PRELID2: variants seen among roughly 807,000 people sequenced by gnomAD.
PRELID2 encodes the protein PRELI domain-containing protein 2.
In PRELID2, 25 loss-of-function variants were observed where a neutral mutation model predicts 28.4. That is an observed-to-expected ratio of 0.88 (90% CI 0.64 to 1.23). The LOEUF is 1.23. Ranked by LOEUF, PRELID2 falls within the 50% of genes most tolerant of loss-of-function variation. The pLI is 0.00. For synonymous variants in PRELID2, 76 were observed against 71.6 expected, an observed-to-expected ratio of 1.06 and a Z score of -0.31; for missense variants, 201 against 214.4, an observed-to-expected ratio of 0.94 and a Z score of 0.39.
intron 1 of PRELID2, among the ~76,000 whole-genome samples, chr5:145,546,219 G>C (rs1447257052): frequency 7.1e-6 from 1 of 141,052 alleles, no homozygotes; most frequent in African/African-American, 3.0e-5. Context: ...AATAACATAG[G>C]AGCAAGAGAA....
intron 1 of PRELID2, among the ~76,000 whole-genome samples, chr5:145,587,882 G>A (rs1411022144): frequency 6.6e-6 from 1 of 152,204 alleles, no homozygotes; most frequent in Non-Finnish European, 1.5e-5. Flanking sequence ...GTACCTCTGA[G>A]TAACTTACTT....
intron 1 of PRELID2, among the ~76,000 whole-genome samples, chr5:145,529,367 T>A (rs1752636184): frequency 6.6e-6 from 1 of 152,162 alleles, no homozygotes; most frequent in Non-Finnish European, 1.5e-5. Flanking sequence ...TAACTCAGTC[T>A]TTCTCATTTT....
At chr5:145,599,264 A>G (rs111850681) in intron 1 of PRELID2, among the ~76,000 whole-genome samples, 47 of 152,336 alleles carry the variant, frequency 3.1e-4, no homozygotes, top group African/African-American at 1.1e-3. Flanking sequence ...GCTATTTAGC[A>G]AAGTCTAGAA....
chr5:145,636,249 T>C (rs1312931875), intron 1 of PRELID2, among the ~76,000 whole-genome samples: 2 of 152,096 alleles, frequency 1.3e-5, no homozygotes, highest in African/African-American at 2.4e-5. Context: ...AGCTAAGAAG[T>C]AGAAGAGCAG....
intron 4 of PRELID2, among the ~76,000 whole-genome samples, chr5:145,814,782 T>G (rs1011711032): frequency 1.3e-5 from 2 of 152,200 alleles, no homozygotes; most frequent in East Asian, 1.9e-4. Flanking sequence ...TAACATTTAG[T>G]GCTTATATTT....
At chr5:145,828,832 C>CTTTTTTT (rs67543120) in intron 1 of PRELID2, among the ~76,000 whole-genome samples, 17 of 68,270 alleles carry the variant, frequency 2.5e-4, no homozygotes, top group Non-Finnish European at 2.9e-4. Flanking sequence ...TGAAAAAAAT[C>CTTTTTTT]TTTTTTTTTT....
intron 4 of PRELID2, among the ~76,000 whole-genome samples, chr5:145,811,789 T>C (rs1753956911): frequency 6.6e-6 from 1 of 152,192 alleles, no homozygotes; most frequent in South Asian, 2.1e-4. Context: ...TCCTGGTTCC[T>C]ATCCCTTAGG....
At chr5:145,310,526 A>G in the PRELID2 span, among the ~76,000 whole-genome samples, 1 of 152,234 alleles carries the variant, frequency 6.6e-6, no homozygotes, top group Non-Finnish European at 1.5e-5. Flanking sequence ...CAGAAAAATC[A>G]GTTCTTAATT....
the PRELID2 span, among the ~76,000 whole-genome samples, chr5:145,318,649 G>T: frequency 1.3e-5 from 2 of 152,174 alleles, no homozygotes; most frequent in Admixed American, 6.5e-5. Context: ...ATGCAGATGG[G>T]CAGCTGCAGG....
At chr5:145,254,386 G>C in the PRELID2 span, among the ~76,000 whole-genome samples, 3 of 152,070 alleles carry the variant, frequency 2.0e-5, no homozygotes, top group African/African-American at 7.2e-5. Context: ...AAAGCTGCCA[G>C]TGATGATTAT....
At chr5:145,365,152 T>G in the PRELID2 span, among the ~76,000 whole-genome samples, 1 of 151,876 alleles carries the variant, frequency 6.6e-6, no homozygotes, top group Non-Finnish European at 1.5e-5. Context: ...GATCAAAGGG[T>G]ACGAAATTTC....
intron 1 of PRELID2, among the ~76,000 whole-genome samples, chr5:145,537,927 G>A (rs2126668518): frequency 6.6e-6 from 1 of 151,836 alleles, no homozygotes; most frequent in Non-Finnish European, 1.5e-5. Flanking sequence ...CAATACCACA[G>A]AGCATTTCCC....
chr5:145,471,074 C>A (rs1454702310), downstream of PRELID2, among the ~76,000 whole-genome samples: 1 of 152,082 alleles, frequency 6.6e-6, no homozygotes, highest in African/African-American at 2.4e-5. Flanking sequence ...GCTGCCAGCT[C>A]AGACTTACAT....
chr5:145,521,520 G>GT (rs1321445551), intron 1 of PRELID2, among the ~76,000 whole-genome samples: 1 of 151,918 alleles, frequency 6.6e-6, no homozygotes, highest in Non-Finnish European at 1.5e-5. Context: ...TAAATGAGTC[G>GT]TTTTTAAAAT....
chr5:145,806,625 C>T (rs1302787700), intron 4 of PRELID2, among the ~76,000 whole-genome samples: 1 of 152,110 alleles, frequency 6.6e-6, no homozygotes, highest in Non-Finnish European at 1.5e-5. Context: ...CATTTATTAC[C>T]ATTTATATGG....
chr5:145,269,911 C>CAT, the PRELID2 span, among the ~76,000 whole-genome samples: 1,218 of 148,488 alleles, frequency 8.2e-3, 15 homozygotes, highest in African/African-American at 0.029. Context: ...TACATACATA[C>CAT]ATATATATAC....
At chr5:145,585,766 C>A (rs893822863) in intron 1 of PRELID2, among the ~76,000 whole-genome samples, 7 of 152,050 alleles carry the variant, frequency 4.6e-5, no homozygotes, top group Non-Finnish European at 1.5e-5. Flanking sequence ...GTCTCCCCTG[C>A]TTATTTGCAT....
the PRELID2 span, chr5:145,440,824 T>G: frequency 1.3e-5 from 2 of 152,086 alleles, no homozygotes; most frequent in African/African-American, 4.8e-5. Context: ...AAACTTTTAA[T>G]GAATTTAAGG....
At chr5:145,249,745 C>A in the PRELID2 span, among the ~76,000 whole-genome samples, 1 of 152,012 alleles carries the variant, frequency 6.6e-6, no homozygotes, top group South Asian at 2.1e-4. Flanking sequence ...AAGCTCAGTT[C>A]TCTGTTTTGT....
Sources: gnomAD v4.1 joint callset for allele counts (sites outside exome capture counted in the v4.1 genomes callset) on GRCh38, gnomAD v4.1.1 for gene constraint, MANE v1.5 for transcripts, NCBI Gene and HGNC (gene_info 2026-07-23, HGNC 2026-07-21) for gene names.